The following TUBAL3 variants were observed in gnomAD, a reference collection of about 807,000 sequenced individuals.
TUBAL3 encodes tubulin alpha like 3, also known as tubulin alpha chain-like 3.
TUBAL3 carries 16 observed loss-of-function variants against 15.5 expected under a neutral mutation model. That is an observed-to-expected ratio of 1.04 (90% CI 0.70 to 1.57). The LOEUF (loss-of-function observed/expected upper bound fraction) is 1.57. TUBAL3 is among the 40% of genes most tolerant of loss of function. The probability of loss-of-function intolerance (pLI) is 0.00; values close to 1 mark genes in which losing one functional copy is unlikely to be tolerated. For synonymous variants in TUBAL3, 238 were observed against 224.3 expected (o/e 1.06, Z -0.55); for missense variants, 609 against 576.2 (o/e 1.06, Z -0.58).
rs1290115056 is a variant in TUBAL3 at position 5,393,150 on chromosome 10, G to A, written c.*367C>T. The A allele has an allele frequency of 5.4e-6, 1 of 183,660 alleles. No individual in the cohort carries two copies. Among genetic ancestry groups the A allele is most frequent in the Non-Finnish European group, 1.1e-5 (1 of 89,856 alleles). The allele number at this position is 183,660 out of a possible 1,614,324, so 11.4% of individuals were successfully genotyped here. On this transcript the variant is annotated 3_prime_UTR_variant, in exon 4 of 4. Transcript: ENST00000380419. ...CAGTGTAAAAAATGTAGACATGGGG[G>A]AAAAAACATTCGTAATCAACATGTG... is the stretch of plus-strand genomic sequence containing the variant.
rs782416624 is a variant in TUBAL3 at position 5,394,396 on chromosome 10, T to C, written c.462A>G (p.Ser154=). Residue 154 remains serine, a synonymous_variant, in exon 4 of 4, where the codon TCA becomes TCG. Coordinates refer to ENST00000380419, the MANE Select transcript of TUBAL3 (RefSeq NM_024803.3). The surrounding 1 kb of genome is among the most constrained non-coding windows in gnomAD (Gnocchi z 4.3). ...IFRSFGGGTG[S]GFTSLLMERL... is the part of the protein sequence containing the mutation. Reference sequence around the variant, plus strand: ...TCTCCATTAAGAGAGACGTAAACCCTGAACCAGTGCCTCCTCCAAAGCTTC... The same window carrying C: ...TCTCCATTAAGAGAGACGTAAACCCCGAACCAGTGCCTCCTCCAAAGCTTC... The C allele has an allele frequency of 3.7e-6, 6 of 1,614,066 alleles. No individual in the cohort carries two copies. Among genetic ancestry groups the C allele is most frequent in the Non-Finnish European group, 5.1e-6 (6 of 1,179,992 alleles).
intron 1 of TUBAL3, among the ~76,000 whole-genome samples, chr10:5,402,290 A>T (rs1405238799): frequency 6.6e-6 from 1 of 152,044 alleles, no homozygotes; most frequent in African/African-American, 2.4e-5. Context: ...AGAAGGAAAG[A>T]AAAAAAATGA....
chr10:5,395,229 G>T lies in TUBAL3; in HGVS notation c.396+98C>A. On this transcript the variant is annotated intron_variant, in intron 3 of 3. Transcript: ENST00000380419. The surrounding 1 kb of genome is among the most constrained non-coding windows in gnomAD (Gnocchi z 4.6). ...GACCAGAGCCCAGGGAGAGACGGTT[G>T]GTGGCGATGGTGACAGCAGATAATG... 5 of 1,264,372 alleles carry T rather than the reference G, an allele frequency of 4.0e-6. No individual in the cohort carries two copies. Among genetic ancestry groups the T allele is most frequent in the Non-Finnish European group, 5.2e-6 (5 of 954,106 alleles). The allele number at this position is 1,264,372 out of a possible 1,614,324, so 78.3% of individuals were successfully genotyped here.
At position 5,394,511 on chromosome 10, in the gene TUBAL3, C is replaced by T. The variant is rs782366721; in HGVS notation, c.397-50G>A. On this transcript the variant is annotated intron_variant, in intron 3 of 3. Transcript: ENST00000380419. The surrounding 1 kb of genome is among the most constrained non-coding windows in gnomAD (Gnocchi z 4.3). Reference sequence around the variant, plus strand: ...GAATTCAGCTGAATAAATCCAGAAGCAGTGAATTGGACAGTAGTGGCAGGA... The same window carrying T: ...GAATTCAGCTGAATAAATCCAGAAGTAGTGAATTGGACAGTAGTGGCAGGA... 5 of 1,521,704 alleles carry T rather than the reference C, an allele frequency of 3.3e-6. No homozygotes were observed. The highest frequency in any genetic ancestry group is 4.4e-6 in the Non-Finnish European group (5 of 1,131,146). 94.3% of individuals were successfully genotyped at this position (1,521,704 alleles called of 1,614,324 possible). A position where few individuals can be genotyped will look rare whatever the true frequency, so the allele number is the denominator to read the frequency against.
At position 5,393,832 on chromosome 10, in the gene TUBAL3, C is replaced by T. The variant is rs200952820; in HGVS notation, c.1026G>A (p.Thr342=). Residue 342 remains threonine, a synonymous_variant, in exon 4 of 4, where the codon ACG becomes ACA. Coordinates refer to ENST00000380419, the MANE Select transcript of TUBAL3 (RefSeq NM_024803.3). ...PKEVNAAIAA[T]KSRHSVQFVD... is the part of the protein sequence containing the mutation. ...CAAACTGAACAGAGTGCCTCGACTT[C>T]GTGGCTGCGATTGCTGCATTCACTT... 50 of 1,614,086 alleles carry T rather than the reference C, an allele frequency of 3.1e-5. No homozygotes were observed. Among genetic ancestry groups the T allele is most frequent in the Admixed American group, 1.7e-5 (1 of 60,006 alleles).
At chr10:5,402,576 G>A (rs1236533903) in intron 1 of TUBAL3, among the ~76,000 whole-genome samples, 1 of 151,960 alleles carries the variant, frequency 6.6e-6, no homozygotes, top group African/African-American at 2.4e-5. Flanking sequence ...CTCACCTGTG[G>A]TCTACACAGG....
rs192566368 is a variant in TUBAL3, at chr10:5,393,238, G to A, written c.*279C>T. 2.2e-3 allele frequency: 751 copies of A among 339,686 alleles called. 3 individuals are homozygous for A. Among genetic ancestry groups the A allele is most frequent in the Middle Eastern group, 0.015 (19 of 1,282 alleles). 21.0% of individuals were successfully genotyped at this position (339,686 alleles called of 1,614,324 possible). ...AACTTCAGGATTTCATTGTCTCTTGGTAAAACAAAAAAATCCCACCTAGAA... is the reference window on the plus strand; with the variant it reads ...AACTTCAGGATTTCATTGTCTCTTGATAAAACAAAAAAATCCCACCTAGAA... On this transcript the variant is annotated 3_prime_UTR_variant, in exon 4 of 4. Coordinates refer to ENST00000380419, the MANE Select transcript of TUBAL3 (RefSeq NM_024803.3).
In TUBAL3 at chr10:5,393,523, A is replaced by C. The variant is rs1554813687; in HGVS notation, c.1335T>G (p.Ser445Arg). Residue 445 changes from serine (S) to arginine (R), a missense_variant, in exon 4 of 4, where the codon AGT (serine) becomes AGG (arginine). By Grantham distance (110) the Ser-to-Arg change is moderately radical (BLOSUM62 -1). Coordinates refer to ENST00000380419, the MANE Select transcript of TUBAL3 (RefSeq NM_024803.3). ...TGCACCCATCATACATGCCTCAGAA[A>C]CTTTGCGCCACTTCCTCATAGTCCC... ...LERDYEEVAQ[S>R]F 1 of 1,600,246 alleles carries C rather than the reference A, an allele frequency of 6.2e-7. No homozygotes were observed. Among genetic ancestry groups the C allele is most frequent in the African/African-American group, 1.3e-5 (1 of 74,484 alleles).
At chr10:5,399,044 G>A (rs1342445609) in intron 2 of TUBAL3, among the ~76,000 whole-genome samples, 2 of 152,092 alleles carry the variant, frequency 1.3e-5, no homozygotes, top group African/African-American at 4.8e-5. Flanking sequence ...AAAGACAATA[G>A]ATTTAATAAG....
At chr10:5,401,195 C>G (rs1831846583) in intron 1 of TUBAL3, 108 bp from the exon 2 acceptor site, 1 of 1,368,242 alleles carries the variant, frequency 7.3e-7, no homozygotes, top group Non-Finnish European at 1.0e-6. Context: ...AGCTTAAGGC[C>G]ACGGAGGAAT....
In TUBAL3 at chr10:5,394,576, C is replaced by T. The variant is rs1273189295; in HGVS notation, c.397-115G>A. On this transcript the variant is annotated intron_variant, in intron 3 of 3. Coordinates refer to ENST00000380419, the MANE Select transcript of TUBAL3 (RefSeq NM_024803.3). The surrounding 1 kb of genome is among the most constrained non-coding windows in gnomAD (Gnocchi z 4.3). ...CCAAAACAAAATCTTTCAGAAAGGA[C>T]TCCTTTGCCTTTGTTAACTCCACAA... is the stretch of plus-strand genomic sequence containing the variant. 1.1e-6 allele frequency: 1 copy of T among 918,928 alleles called. No homozygotes were observed. The highest frequency in any genetic ancestry group is 1.6e-6 in the Non-Finnish European group (1 of 624,278). The allele number at this position is 918,928 out of a possible 1,614,324, so 56.9% of individuals were successfully genotyped here. A position where few individuals can be genotyped will look rare whatever the true frequency, so the allele number is the denominator to read the frequency against.
At position 5,393,761 on chromosome 10, in the gene TUBAL3, G is replaced by T; in HGVS notation, c.1097C>A (p.Pro366Gln). The T allele has an allele frequency of 6.2e-7, 1 of 1,614,192 alleles. No homozygotes were observed. The highest frequency in any genetic ancestry group is 8.5e-7 in the Non-Finnish European group (1 of 1,180,036). ...GTCCCCACCCGGCATCACCGTGGGC[G>T]GCCGATTGTTGATGCCCACCTTGAA... ...TGFKVGINNR[P>Q]PTVMPGGDLA... is the part of the protein sequence containing the mutation. The change falls in exon 4 of 4, where the codon CCG (proline) becomes CAG (glutamine). Residue 366 changes from proline to glutamine, a missense_variant. By Grantham distance (76) the Pro-to-Gln change is moderately conservative. Coordinates refer to ENST00000380419, the MANE Select transcript of TUBAL3 (RefSeq NM_024803.3).
Position 5,401,104 on chromosome 10 carries a change from T to G in TUBAL3, c.4-17A>C. The G allele has an allele frequency of 6.2e-7, 1 of 1,613,508 alleles. No individual in the cohort carries two copies. The highest frequency in any genetic ancestry group is 2.2e-5 in the East Asian group (1 of 44,876). The stretch of plus-strand genomic sequence containing the variant: ...GCACTCCCTCTAAAATAAGTCATGG[T>G]GAGTTGGAACTGAGCAGGTGTTTAG... On this transcript the variant is annotated splice_polypyrimidine_tract_variant and intron_variant, in intron 1 of 3. Coordinates refer to ENST00000380419, the MANE Select transcript of TUBAL3 (RefSeq NM_024803.3).
Position 5,394,574 on chromosome 10 carries a change from G to C in TUBAL3, c.397-113C>G, listed in dbSNP as rs782374313. The C allele has an allele frequency of 1.1e-6, 1 of 947,636 alleles. No homozygotes were observed. The highest frequency in any genetic ancestry group is 1.5e-6 in the Non-Finnish European group (1 of 649,640). 58.7% of individuals were successfully genotyped at this position (947,636 alleles called of 1,614,324 possible). Reference sequence around the variant, plus strand: ...CCCCAAAACAAAATCTTTCAGAAAGGACTCCTTTGCCTTTGTTAACTCCAC... The same window carrying C: ...CCCCAAAACAAAATCTTTCAGAAAGCACTCCTTTGCCTTTGTTAACTCCAC... On this transcript the variant is annotated intron_variant, in intron 3 of 3. Coordinates refer to ENST00000380419, the MANE Select transcript of TUBAL3 (RefSeq NM_024803.3). The surrounding 1 kb of genome is among the most constrained non-coding windows in gnomAD (Gnocchi z 4.3).
chr10:5,396,034 T>TG lies in TUBAL3; in HGVS notation c.248-560_248-559insC, dbSNP rs1831759261. Among the ~76,000 whole-genome samples, 1 of 152,166 alleles carries TG rather than the reference T, an allele frequency of 6.6e-6. No individual in the cohort carries two copies. Among genetic ancestry groups the TG allele is most frequent in the Admixed American group, 6.5e-5 (1 of 15,274 alleles). ...GGGCCCACCCTAATCCAGGAGGACCTCATTTTAACTAGCTACATCAGCAAA... is the reference window on the plus strand; with the variant it reads ...GGGCCCACCCTAATCCAGGAGGACCTGCATTTTAACTAGCTACATCAGCAAA... On this transcript the variant is annotated intron_variant, in intron 2 of 3. Transcript: ENST00000380419. This position sits in a 1 kb window ranked among gnomAD's most constrained non-coding sequence, Gnocchi z 5.1.
rs181867747 is a variant in TUBAL3 at position 5,400,058 on chromosome 10, C to A, written c.247+786G>T. Among the ~76,000 whole-genome samples, 240 of 152,316 alleles carry A rather than the reference C, an allele frequency of 1.6e-3. 2 individuals carry two copies. Among genetic ancestry groups the A allele is most frequent in the African/African-American group, 5.6e-3 (233 of 41,560 alleles). The stretch of plus-strand genomic sequence containing the variant: ...TCTCTCTCCTTTATTTTTCTAGCTC[C>A]ATTTCAAGAGTTTTTGCATGACATA... On this transcript the variant is annotated intron_variant, in intron 2 of 3. Transcript: ENST00000380419.
At chr10:5,402,909 G>A (rs1242156444) in intron 1 of TUBAL3, among the ~76,000 whole-genome samples, 1 of 152,204 alleles carries the variant, frequency 6.6e-6, no homozygotes, top group Non-Finnish European at 1.5e-5. Flanking sequence ...GTGCCAAAAA[G>A]TTGAGGACCA....
chr10:5,400,429 C>T (rs1588414603), intron 2 of TUBAL3, among the ~76,000 whole-genome samples: 2 of 152,074 alleles, frequency 1.3e-5, no homozygotes, highest in Admixed American at 1.3e-4. Context: ...GTCGGGAGTT[C>T]AAGACCAGTC....
At chr10:5,399,906 T>C (rs1056363108) in intron 2 of TUBAL3, among the ~76,000 whole-genome samples, 56 of 152,292 alleles carry the variant, frequency 3.7e-4, no homozygotes, top group African/African-American at 1.3e-3. Flanking sequence ...AAACCAGCAA[T>C]CATTATTGCC....
Sources: allele counts gnomAD v4.1 joint callset (sites outside exome capture counted in the v4.1 genomes callset), GRCh38; gene constraint gnomAD v4.1.1; non-coding constraint Gnocchi (gnomAD v3.1); transcripts MANE v1.5; gene names NCBI Gene and HGNC (gene_info 2026-07-23, HGNC 2026-07-21).